The following ARMC3 variants were observed in gnomAD, a reference collection of about 807,000 sequenced individuals.
The protein encoded by ARMC3 is armadillo repeat-containing protein 3.
In ARMC3, 74 loss-of-function variants were observed where a neutral mutation model predicts 90.3. That is an observed-to-expected ratio of 0.82 (90% CI 0.68 to 0.99). The LOEUF is 0.99. ARMC3 is among the 50% of genes least tolerant of loss of function. ARMC3 has a pLI of 0.00. For missense variants in ARMC3, 958 were observed against 1,042.8 expected, an observed-to-expected ratio of 0.92 and a Z score of 1.12; for synonymous variants, 334 against 361.8, an observed-to-expected ratio of 0.92 and a Z score of 0.87.
At chr10:23,018,103 T>C (rs1298823271) in intron 16 of ARMC3, among the ~76,000 whole-genome samples, 1 of 152,244 alleles carries the variant, frequency 6.6e-6, no homozygotes, top group African/African-American at 2.4e-5. Flanking sequence ...AAAATTCTAC[T>C]GGTAAAATGG....
intron 16 of ARMC3, among the ~76,000 whole-genome samples, chr10:23,025,484 C>T (rs1808084133): frequency 6.6e-6 from 1 of 151,976 alleles, no homozygotes; most frequent in Non-Finnish European, 1.5e-5. Context: ...GAATGATGCA[C>T]TTCTCAATAA....
intron 10 of ARMC3, among the ~76,000 whole-genome samples, chr10:22,988,992 G>A (rs1564374988): frequency 6.6e-6 from 1 of 152,178 alleles, no homozygotes; most frequent in African/African-American, 2.4e-5. Context: ...TGTCTTTGTT[G>A]CATAGGGTTT....
In ARMC3 at chr10:23,033,016, T is replaced by C; in HGVS notation, c.2402T>C (p.Leu801Pro). 1 of 1,612,552 alleles carries C rather than the reference T, an allele frequency of 6.2e-7. No individual in the cohort carries two copies. Among genetic ancestry groups the C allele is most frequent in the African/African-American group, 1.3e-5 (1 of 74,976 alleles). The part of the protein sequence containing the change: ...KKGIFYHRAL[L>P]FKALADRIGI... ...GGAATCTTCTACCATCGAGCTTTGC[T>C]TTTCAAGGTGTGTAAGGTATTTTGC... The change falls in exon 18 of 19, where the codon CTT becomes CCT. Residue 801 changes from leucine (L) to proline (P), a missense_variant. By Grantham distance (98) the Leu-to-Pro change is moderately conservative. Transcript: ENST00000298032.
intron 14 of ARMC3, among the ~76,000 whole-genome samples, chr10:23,007,248 T>TCTTA (rs1417602783): frequency 6.6e-6 from 1 of 152,192 alleles, no homozygotes; most frequent in African/African-American, 2.4e-5. Context: ...AGTCAAGGCC[T>TCTTA]CTTACCATGG....
intron 2 of ARMC3, among the ~76,000 whole-genome samples, chr10:22,943,483 A>T (rs1834402554): frequency 6.6e-6 from 1 of 152,296 alleles, no homozygotes; most frequent in African/African-American, 2.4e-5. Flanking sequence ...TTACATTAAT[A>T]TGTAAAAATA....
intron 8 of ARMC3, among the ~76,000 whole-genome samples, chr10:22,969,006 T>A (rs1174395919): frequency 6.6e-6 from 1 of 152,222 alleles, no homozygotes; most frequent in Non-Finnish European, 1.5e-5. Flanking sequence ...TTTTTCAAAA[T>A]ACAATTCATT....
At chr10:22,973,111 G>A (rs935735496) in intron 8 of ARMC3, among the ~76,000 whole-genome samples, 1 of 151,826 alleles carries the variant, frequency 6.6e-6, no homozygotes, top group African/African-American at 2.4e-5. Context: ...CTGGTCAACA[G>A]AGCAAGACCC....
At chr10:23,011,891 C>T (rs1838030118) in intron 16 of ARMC3, among the ~76,000 whole-genome samples, 1 of 152,186 alleles carries the variant, frequency 6.6e-6, no homozygotes, top group Non-Finnish European at 1.5e-5. Flanking sequence ...GACAAGTGTT[C>T]CCCTTTAGTC....
At chr10:22,947,851 G>T (rs1351140267) in intron 3 of ARMC3, among the ~76,000 whole-genome samples, 3 of 151,956 alleles carry the variant, frequency 2.0e-5, no homozygotes, top group Admixed American at 6.6e-5. Context: ...TACACATCAG[G>T]TTCTACTGAA....
chr10:22,943,585 C>T (rs1057439884), intron 2 of ARMC3, among the ~76,000 whole-genome samples: 4 of 151,626 alleles, frequency 2.6e-5, no homozygotes, highest in African/African-American at 4.9e-5. Context: ...AATTCCAAGC[C>T]ATTATTAGTT....
At chr10:23,007,716 A>G (rs1296614852) in intron 14 of ARMC3, among the ~76,000 whole-genome samples, 1 of 108,078 alleles carries the variant, frequency 9.3e-6, no homozygotes, top group African/African-American at 3.9e-5. Context: ...AAAAAAAAAA[A>G]AGAGAGAGAG....
Position 23,024,006 on chromosome 10 carries a change from A to G in ARMC3, c.2046-6590A>G, listed in dbSNP as rs185028020. Reference sequence around the variant, plus strand: ...AAACCTTTTGATTAAAGAAGAGGAGAAGATTCCAAATAGGATAAACCCAAA... The same window carrying G: ...AAACCTTTTGATTAAAGAAGAGGAGGAGATTCCAAATAGGATAAACCCAAA... On this transcript the variant is annotated intron_variant, in intron 16 of 18. Transcript: ENST00000298032. 1.8e-3 allele frequency among the ~76,000 whole-genome samples: 276 copies of G among 152,320 alleles called. 2 individuals are homozygous for G. Among genetic ancestry groups the G allele is most frequent in the Non-Finnish European group, 1.3e-3 (89 of 68,026 alleles).
chr10:22,963,990 T>TTCA (rs1379374893), intron 7 of ARMC3, among the ~76,000 whole-genome samples: 2 of 149,538 alleles, frequency 1.3e-5, no homozygotes, highest in African/African-American at 4.9e-5. Flanking sequence ...ACTGTATTTA[T>TTCA]TCAGATTGCA....
chr10:22,985,140 T>C (rs1207486916), intron 10 of ARMC3, among the ~76,000 whole-genome samples: 2 of 144,104 alleles, frequency 1.4e-5, no homozygotes, highest in African/African-American at 2.5e-5. Flanking sequence ...GCAATCCTCC[T>C]ACCTTGGCCT....
intron 16 of ARMC3, among the ~76,000 whole-genome samples, chr10:23,018,125 C>T (rs971920305): frequency 2.0e-5 from 3 of 152,222 alleles, no homozygotes; most frequent in Admixed American, 2.0e-4. Flanking sequence ...AAGGAACTAG[C>T]AGCAGTGTTG....
At chr10:22,968,616 C>G in intron 8 of ARMC3, 127 bp downstream of exon 8, 1 of 803,276 alleles carries the variant, frequency 1.2e-6, no homozygotes, top group Non-Finnish European at 1.8e-6. Flanking sequence ...ATTCTCCCAC[C>G]TCAGCCTTCC....
chr10:22,936,275 A>G (rs2131140532), intron 2 of ARMC3, among the ~76,000 whole-genome samples: 1 of 152,322 alleles, frequency 6.6e-6, no homozygotes, highest in South Asian at 2.1e-4. Flanking sequence ...TGGGAAAAAT[A>G]GCAAGACTTT....
At chr10:22,968,261 C>T (rs1475230610) in intron 7 of ARMC3, 45 bp from the exon 8 acceptor site, 3 of 1,554,642 alleles carry the variant, frequency 1.9e-6, no homozygotes, top group African/African-American at 1.4e-5. Context: ...GGGAAGTGTA[C>T]ATTTTAGTAC....
At chr10:22,948,234 C>T (rs933788622) in intron 3 of ARMC3, among the ~76,000 whole-genome samples, 8 of 151,718 alleles carry the variant, frequency 5.3e-5, no homozygotes, top group African/African-American at 1.9e-4. Context: ...GGTGTAGAAT[C>T]CTGGGTCAAA....
Sources: gnomAD v4.1 joint callset for allele counts (sites outside exome capture counted in the v4.1 genomes callset) on GRCh38, gnomAD v4.1.1 for gene constraint, MANE v1.5 for transcripts, NCBI Gene and HGNC (gene_info 2026-07-23, HGNC 2026-07-21) for gene names.